The following COG3 variants were observed in gnomAD, a reference collection of about 807,000 sequenced individuals.
The protein encoded by COG3 is component of oligomeric golgi complex 3.
A neutral mutation model predicts 114.1 loss-of-function variants in COG3; 32 were observed. That is an observed-to-expected ratio of 0.28 (90% CI 0.21 to 0.38). The LOEUF (loss-of-function observed/expected upper bound fraction) is 0.38. COG3 is among the 10% of genes least tolerant of loss of function. The probability of loss-of-function intolerance (pLI) is 1.00; values close to 1 mark genes in which losing one functional copy is unlikely to be tolerated. For synonymous variants in COG3, 352 were observed against 365.7 expected, an observed-to-expected ratio of 0.96 and a Z score of 0.43; for missense variants, 813 against 973.2, an observed-to-expected ratio of 0.84 and a Z score of 2.19.
chr13:45,509,101 G>A (rs1870565179), intron 14 of COG3, among the ~76,000 whole-genome samples: 1 of 151,002 alleles, frequency 6.6e-6, no homozygotes, highest in Non-Finnish European at 1.5e-5. Flanking sequence ...GTGCAGTGGC[G>A]AGATCTTGGC....
chr13:45,506,433 C>T (rs569058237), intron 14 of COG3, among the ~76,000 whole-genome samples: 1 of 151,810 alleles, frequency 6.6e-6, no homozygotes, highest in African/African-American at 2.4e-5. Flanking sequence ...GTGAGAAGAT[C>T]GAAATCTCAA....
chr13:45,468,996 G>C (rs550437466), intron 1 of COG3, among the ~76,000 whole-genome samples: 5 of 152,172 alleles, frequency 3.3e-5, no homozygotes, highest in Admixed American at 6.5e-5. Flanking sequence ...GCATTTTCTC[G>C]TATGTTATTA....
intron 16 of COG3, among the ~76,000 whole-genome samples, chr13:45,514,629 C>T (rs887458278): frequency 5.3e-5 from 8 of 151,980 alleles, no homozygotes; most frequent in Non-Finnish European, 1.0e-4. Context: ...TTATTATTTT[C>T]ATGGTTGAGC....
intron 8 of COG3, among the ~76,000 whole-genome samples, chr13:45,488,585 C>G (rs1447834201): frequency 6.6e-6 from 1 of 152,044 alleles, no homozygotes; most frequent in Non-Finnish European, 1.5e-5. Context: ...GGCCTCATTA[C>G]TAAGGAAGAT....
rs1307418093 is a variant in COG3, at chr13:45,472,104, C to CCT, written c.175-4097_175-4096insCT. 1.4e-4 allele frequency among the ~76,000 whole-genome samples: 22 copies of CCT among 152,236 alleles called. No homozygotes were observed. In the East Asian group the frequency reaches 4.2e-3, roughly 29 times the overall value. On this transcript the variant is annotated intron_variant, in intron 1 of 22. Coordinates refer to ENST00000349995, the MANE Select transcript of COG3 (RefSeq NM_031431.4). ...GATAATTCTCTATAGGTGTAGAACT[C>CCT]TGAGTTGAGTGTTTTTCTTTTGGCA...
Position 45,513,473 on chromosome 13 carries a change from T to TCA in COG3, c.1809+1619_1809+1620insCA, listed in dbSNP as rs1417880753. ...TATATATATAATATATACATATAAA[T>TCA]TATATATATAATATATACATATAAA... On this transcript the variant is annotated intron_variant, in intron 16 of 22. Coordinates refer to ENST00000349995, the MANE Select transcript of COG3 (RefSeq NM_031431.4). Among the ~76,000 whole-genome samples the TCA allele has an allele frequency of 4.9e-4, 22 of 44,588 alleles. 4 individuals carry two copies. The highest frequency in any genetic ancestry group is 4.7e-3 in the South Asian group (6 of 1,264). The allele number at this position is 44,588 out of a possible 152,430, so 29.3% of individuals were successfully genotyped here.
At chr13:45,490,594 T>C (rs528556170) in intron 8 of COG3, among the ~76,000 whole-genome samples, 1 of 152,214 alleles carries the variant, frequency 6.6e-6, no homozygotes, top group East Asian at 1.9e-4. Flanking sequence ...TACATTTTTA[T>C]CTAGTATTGA....
In COG3 at chr13:45,465,085, G is replaced by C. The variant is rs764947212; in HGVS notation, c.49G>C (p.Asp17His). The C allele has an allele frequency of 4.4e-6, 7 of 1,607,922 alleles. No individual in the cohort carries two copies. The highest frequency in any genetic ancestry group is 5.1e-6 in the Non-Finnish European group (6 of 1,178,058). The change falls in exon 1 of 23, where the codon GAC becomes CAC. Residue 17 changes from aspartate (D) to histidine (H), a missense_variant. Asp to His is a moderately conservative substitution (Grantham distance 81). Coordinates refer to ENST00000349995, the MANE Select transcript of COG3 (RefSeq NM_031431.4). ...LLLPEAAAER[D>H]AREKLALWDR... The stretch of plus-strand genomic sequence containing the variant: ...GCTGCCTGAGGCGGCGGCGGAGCGG[G>C]ACGCTAGGGAAAAGCTGGCTCTCTG...
chr13:45,514,114 A>G (rs2137891854), intron 16 of COG3, among the ~76,000 whole-genome samples: 1 of 151,916 alleles, frequency 6.6e-6, no homozygotes, highest in South Asian at 2.1e-4. Flanking sequence ...TAATTTTAAA[A>G]AAAGTTCATA....
chr13:45,482,809 C>T (rs868801815), intron 6 of COG3, among the ~76,000 whole-genome samples: 2 of 152,106 alleles, frequency 1.3e-5, no homozygotes, highest in East Asian at 1.9e-4. Flanking sequence ...TTGACATGCC[C>T]GGTATTTCTT....
chr13:45,488,624 G>A (rs1236866947), intron 8 of COG3, among the ~76,000 whole-genome samples: 1 of 152,006 alleles, frequency 6.6e-6, no homozygotes, highest in African/African-American at 2.4e-5. Flanking sequence ...AGATTAGGGG[G>A]TGAATTAATG....
chr13:45,514,770 C>T (rs1871365470), intron 16 of COG3, among the ~76,000 whole-genome samples: 1 of 152,044 alleles, frequency 6.6e-6, no homozygotes, highest in Admixed American at 6.6e-5. Flanking sequence ...GCCTCAGCCT[C>T]CCTAATAGCT....
At chr13:45,469,512 A>G (rs1189001335) in intron 1 of COG3, among the ~76,000 whole-genome samples, 1 of 152,210 alleles carries the variant, frequency 6.6e-6, no homozygotes, top group Non-Finnish European at 1.5e-5. Flanking sequence ...AGACTTAATC[A>G]CAGAACCAGG....
At position 45,496,231 on chromosome 13, in the gene COG3, C is replaced by T. The variant is rs1310046930; in HGVS notation, c.1407C>T (p.His469=). ...DVQERLVYRT[H]IYIQTDITGY... ...AGGAGCGGCTCGTCTACCGAACCCA[C>T]ATCTATATTCAGACGGACATCACGG... is the stretch of plus-strand genomic sequence containing the variant. Residue 469 remains histidine (H), a synonymous_variant, in exon 13 of 23, where the codon CAC becomes CAT. Transcript: ENST00000349995. 4 of 1,613,118 alleles carry T rather than the reference C, an allele frequency of 2.5e-6. No individual in the cohort carries two copies. Among genetic ancestry groups the T allele is most frequent in the Admixed American group, 1.7e-5 (1 of 59,976 alleles).
intron 12 of COG3, among the ~76,000 whole-genome samples, chr13:45,495,239 G>T (rs1021854037): frequency 7.3e-6 from 1 of 136,190 alleles, no homozygotes; most frequent in Admixed American, 7.4e-5. Flanking sequence ...CATCCTATCT[G>T]CGCCTCCCAA....
chr13:45,480,145 C>G lies in COG3; in HGVS notation c.404C>G (p.Ser135Cys). The G allele has an allele frequency of 6.2e-7, 1 of 1,611,446 alleles. No individual in the cohort carries two copies. The highest frequency in any genetic ancestry group is 8.5e-7 in the Non-Finnish European group (1 of 1,178,442). The change falls in exon 4 of 23, where the codon TCT (serine) becomes TGT (cysteine). Residue 135 changes from serine to cysteine, a missense_variant. Ser to Cys is a moderately radical substitution (Grantham distance 112). Transcript: ENST00000349995. ...TKYRQMRDYL[S>C]GFQEQCDAIL... ...TCTAGACAGATGAGGGATTACTTGT[C>G]TGGGTTTCAGGAGCAGTGTGATGCT...
At position 45,534,809 on chromosome 13, in the gene COG3, G is replaced by A. The variant is rs1284318988; in HGVS notation, c.*78G>A. The A allele has an allele frequency of 3.3e-5, 49 of 1,486,136 alleles. No individual in the cohort carries two copies. The highest frequency in any genetic ancestry group is 3.7e-5 in the Non-Finnish European group (42 of 1,120,266). 92.1% of individuals were successfully genotyped at this position (1,486,136 alleles called of 1,614,324 possible). On this transcript the variant is annotated 3_prime_UTR_variant, in exon 23 of 23. Coordinates refer to ENST00000349995, the MANE Select transcript of COG3 (RefSeq NM_031431.4). The stretch of plus-strand genomic sequence containing the variant: ...GAAGTCTTGCAGTCTGCAGGACACC[G>A]AGGAATCGTATGTGGGAACGTCCCC...
intron 16 of COG3, among the ~76,000 whole-genome samples, chr13:45,513,073 G>C (rs1473159856): frequency 2.0e-5 from 3 of 151,262 alleles, no homozygotes; most frequent in African/African-American, 7.3e-5. Context: ...CACCTATAGG[G>C]AAGGAGCTGT....
intron 1 of COG3, among the ~76,000 whole-genome samples, chr13:45,468,149 C>T (rs1271206640): frequency 1.3e-5 from 2 of 152,100 alleles, no homozygotes; most frequent in Non-Finnish European, 2.9e-5. Flanking sequence ...TAATTTACCC[C>T]GACATTTACC....
Sources: gnomAD v4.1 joint callset for allele counts (sites outside exome capture counted in the v4.1 genomes callset) on GRCh38, gnomAD v4.1.1 for gene constraint, MANE v1.5 for transcripts, NCBI Gene and HGNC (gene_info 2026-07-23, HGNC 2026-07-21) for gene names.